Variants in KCNH7 observed in about 807,000 individuals in gnomAD.
KCNH7 encodes potassium voltage-gated channel subfamily H member 7, also known as voltage-gated inwardly rectifying potassium channel KCNH7.
A neutral mutation model predicts 120.8 loss-of-function variants in KCNH7; 49 were observed. That is an observed-to-expected ratio of 0.41 (90% CI 0.32 to 0.51). KCNH7 has a LOEUF of 0.51. KCNH7 is among the 20% of genes least tolerant of loss of function. KCNH7 has a pLI of 0.38. For synonymous variants in KCNH7, 547 were observed against 516.1 expected (o/e 1.06, Z -0.81); for missense variants, 1,097 against 1,446.6 (o/e 0.76, Z 3.92).
Position 162,446,287 on chromosome 2 carries a change from C to A in KCNH7, c.1285G>T (p.Ala429Ser), listed in dbSNP as rs748874294. ...IYTAIFTPYS[A>S]AFLLNDREEQ... ...TCTCTGTCATTGAGGAGGAAGGCTG[C>A]AGAGTAGGGAGTAAATATAGCAGTG... The change falls in exon 7 of 16, where the codon GCA (alanine) becomes TCA (serine). Residue 429 changes from alanine (A) to serine (S), a missense_variant. By Grantham distance (99) the Ala-to-Ser change is moderately conservative (BLOSUM62 1). Coordinates refer to ENST00000332142, the MANE Select transcript of KCNH7 (RefSeq NM_033272.4). 1.2e-6 allele frequency: 2 copies of A among 1,613,920 alleles called. 1 individual carries two copies. The highest frequency in any genetic ancestry group is 2.2e-5 in the South Asian group (2 of 91,076).
chr2:162,519,259 A>G, intron 3 of KCNH7, among the ~76,000 whole-genome samples: 1 of 151,854 alleles, frequency 6.6e-6, no homozygotes. Context: ...ACTAGAAAAA[A>G]TTGGATTATC....
chr2:162,605,676 T>A (rs1276753812), intron 2 of KCNH7, among the ~76,000 whole-genome samples: 1 of 152,160 alleles, frequency 6.6e-6, no homozygotes, highest in Non-Finnish European at 1.5e-5. Context: ...GTACTAAAAT[T>A]CTGCTTCAGT....
intron 5 of KCNH7, among the ~76,000 whole-genome samples, chr2:162,509,372 C>A (rs553179300): frequency 1.3e-5 from 2 of 151,494 alleles, no homozygotes; most frequent in Non-Finnish European, 3.0e-5. Flanking sequence ...AAGAAGGAAA[C>A]CAAACAGACA....
Position 162,446,322 on chromosome 2 carries a change from A to C in KCNH7, c.1250T>G (p.Leu417Trp). ...AGTAAATATAGCAGTGTATATGACC[A>C]ACAGCAGGATAAGCCAGTCCCAGAC... ...KAVWDWLILL[L>W]VIYTAIFTPY... Residue 417 changes from leucine to tryptophan, a missense_variant, in exon 7 of 16, where the codon TTG becomes TGG. This residue lies in a region of KCNH7 where 109 missense variants were observed against 196.8 expected (regional missense o/e 0.55). Coordinates refer to ENST00000332142, the MANE Select transcript of KCNH7 (RefSeq NM_033272.4). 6.2e-7 allele frequency: 1 copy of C among 1,613,942 alleles called. No individual in the cohort carries two copies. Among genetic ancestry groups the C allele is most frequent in the Non-Finnish European group, 8.5e-7 (1 of 1,179,870 alleles).
chr2:162,516,946 T>G (rs1159669428), intron 4 of KCNH7, among the ~76,000 whole-genome samples: 1 of 151,776 alleles, frequency 6.6e-6, no homozygotes, highest in Non-Finnish European at 1.5e-5. Flanking sequence ...GGCTTAGAAA[T>G]GATTCCTAAT....
chr2:162,538,226 CTTA>C (rs1692177438), intron 2 of KCNH7: 1 of 151,962 alleles, frequency 6.6e-6, no homozygotes, highest in Admixed American at 6.6e-5. Flanking sequence ...ATTTTATTTA[CTTA>C]TTATTATTTT....
intron 2 of KCNH7, among the ~76,000 whole-genome samples, chr2:162,619,416 T>C (rs1258612758): frequency 6.6e-6 from 1 of 151,310 alleles, no homozygotes; most frequent in African/African-American, 2.4e-5. Flanking sequence ...TCCCCAAGTA[T>C]GGAACAATAA....
intron 6 of KCNH7, among the ~76,000 whole-genome samples, chr2:162,488,238 A>G (rs1009556433): frequency 1.3e-5 from 2 of 152,234 alleles, no homozygotes; most frequent in East Asian, 1.9e-4. Context: ...ATTTTACCTA[A>G]TTTTACCTCT....
chr2:162,595,619 A>T (rs1407267518), intron 2 of KCNH7, among the ~76,000 whole-genome samples: 2 of 152,018 alleles, frequency 1.3e-5, no homozygotes, highest in African/African-American at 4.8e-5. Flanking sequence ...CATCATACTC[A>T]GTGGTGAAAA....
chr2:162,453,325 G>T lies in KCNH7; in HGVS notation c.1129-6882C>A, dbSNP rs184009225. Among the ~76,000 whole-genome samples the T allele has an allele frequency of 1.0e-3, 154 of 152,216 alleles. 1 individual carries two copies. Among genetic ancestry groups the T allele is most frequent in the African/African-American group, 3.6e-3 (150 of 41,544 alleles). ...TTTTTATGGCTGCATAGTATTCCATGGTGTACATGTGCTACATTGTCTTTA... is the reference window on the plus strand; with the variant it reads ...TTTTTATGGCTGCATAGTATTCCATTGTGTACATGTGCTACATTGTCTTTA... On this transcript the variant is annotated intron_variant, in intron 6 of 15. Coordinates refer to ENST00000332142, the MANE Select transcript of KCNH7 (RefSeq NM_033272.4).
intron 2 of KCNH7, among the ~76,000 whole-genome samples, chr2:162,602,122 C>A (rs942071645): frequency 6.6e-6 from 1 of 151,980 alleles, no homozygotes; most frequent in Non-Finnish European, 1.5e-5. Flanking sequence ...CAATTTCATT[C>A]TGTTTTACTA....
At chr2:162,382,071 A>T (rs1386221161) in intron 13 of KCNH7, among the ~76,000 whole-genome samples, 1 of 152,058 alleles carries the variant, frequency 6.6e-6, no homozygotes, top group African/African-American at 2.4e-5. Context: ...ATGCTCACAC[A>T]TTTTGTGCCA....
At chr2:162,438,747 G>A (rs756064232) in intron 7 of KCNH7, among the ~76,000 whole-genome samples, 3 of 152,096 alleles carry the variant, frequency 2.0e-5, no homozygotes, top group Non-Finnish European at 2.9e-5. Flanking sequence ...ACACATCTGG[G>A]CATTCTTTGT....
At chr2:162,510,424 G>T (rs897473817) in intron 5 of KCNH7, among the ~76,000 whole-genome samples, 1 of 151,370 alleles carries the variant, frequency 6.6e-6, no homozygotes, top group African/African-American at 2.4e-5. Context: ...AAGGATTTAG[G>T]TTAGCTCTTT....
At chr2:162,410,454 A>C (rs1345202222) in intron 9 of KCNH7, among the ~76,000 whole-genome samples, 1 of 152,098 alleles carries the variant, frequency 6.6e-6, no homozygotes, top group Non-Finnish European at 1.5e-5. Context: ...CTTAAATACA[A>C]GACCTAAAAA....
At chr2:162,643,804 C>CAAAAAAAAAAAAAAAAAAAAAA (rs781089376) in intron 2 of KCNH7, among the ~76,000 whole-genome samples, 10 of 90,428 alleles carry the variant, frequency 1.1e-4, no homozygotes, top group African/African-American at 1.4e-4. Flanking sequence ...GACTCTATCT[C>CAAAAAAAAAAAAAAAAAAAAAA]AAAAAAAAAA....
chr2:162,504,756 C>A, intron 5 of KCNH7, 99 bp from the exon 6 acceptor site: 1 of 759,022 alleles, frequency 1.3e-6, no homozygotes, highest in Non-Finnish European at 2.2e-6. Flanking sequence ...CAATATGATC[C>A]TGATTTGAGT....
At chr2:162,510,073 CT>C (rs1192614301) in intron 5 of KCNH7, among the ~76,000 whole-genome samples, 14 of 151,504 alleles carry the variant, frequency 9.2e-5, no homozygotes, top group Admixed American at 9.2e-4. Context: ...TTAGGTACCC[CT>C]CTCACATATT....
intron 2 of KCNH7, among the ~76,000 whole-genome samples, chr2:162,818,975 G>A (rs1685009252): frequency 6.6e-6 from 1 of 152,082 alleles, no homozygotes; most frequent in Admixed American, 6.5e-5. Flanking sequence ...ATCACATCAA[G>A]AGGATTCATC....
Sources: gnomAD v4.1 joint callset for allele counts (sites outside exome capture counted in the v4.1 genomes callset) on GRCh38, gnomAD v4.1.1 for gene constraint, gnomAD v4.1.1 regional missense constraint, MANE v1.5 for transcripts, NCBI Gene and HGNC (gene_info 2026-07-23, HGNC 2026-07-21) for gene names.